PABPC1: variants seen among roughly 807,000 people sequenced by gnomAD.
The protein encoded by PABPC1 is polyadenylate-binding protein 1.
Under a neutral mutation model 74.0 loss-of-function variants are expected in PABPC1, and 4 were observed. The ratio of observed to expected loss-of-function variants is 0.05; its 90% confidence interval spans 0.03 to 0.12. PABPC1 has a LOEUF of 0.12. PABPC1 is among the 10% of genes least tolerant of loss of function. PABPC1 has a pLI of 1.00. For missense variants in PABPC1, 271 were observed against 821.1 expected, an observed-to-expected ratio of 0.33 and a Z score of 8.19; for synonymous variants, 227 against 264.1, an observed-to-expected ratio of 0.86 and a Z score of 1.36.
chr8:100,711,956 C>G (rs1327950595), intron 7 of PABPC1, among the ~76,000 whole-genome samples: 1 of 152,218 alleles, frequency 6.6e-6, no homozygotes, highest in African/African-American at 2.4e-5. Flanking sequence ...TTCTTAATCT[C>G]TGATTTCAAA....
intron 1 of PABPC1, among the ~76,000 whole-genome samples, chr8:100,720,862 G>A (rs1478029459): frequency 2.6e-5 from 4 of 152,182 alleles, no homozygotes; most frequent in Non-Finnish European, 5.9e-5. Flanking sequence ...CCTAAGGCCT[G>A]GTGGCTCCCC....
chr8:100,715,122 T>TACACACACACACACACACAC (rs56819980), intron 4 of PABPC1, among the ~76,000 whole-genome samples: 1 of 131,302 alleles, frequency 7.6e-6, no homozygotes, highest in Non-Finnish European at 1.7e-5. Flanking sequence ...GATCTCTAAT[T>TACACACACACACACACACAC]ACACACACAC....
chr8:100,709,059 A>G (rs1810460475), intron 9 of PABPC1, 74 bp downstream of exon 9: 1 of 1,109,312 alleles, frequency 9.0e-7, no homozygotes, highest in South Asian at 1.3e-5. Context: ...TAACATTGAC[A>G]TAGAAGAGCT....
intron 9 of PABPC1, among the ~76,000 whole-genome samples, chr8:100,708,549 A>G (rs1035084621): frequency 6.6e-6 from 1 of 152,222 alleles, no homozygotes; most frequent in Admixed American, 6.6e-5. Context: ...ACATGATTAA[A>G]TGGAACGAGA....
Position 100,704,328 on chromosome 8 carries a change from A to G in PABPC1, c.1881T>C (p.Val627=). 6.2e-7 allele frequency: 1 copy of G among 1,614,134 alleles called. No individual in the cohort carries two copies. The highest frequency in any genetic ancestry group is 8.5e-7 in the Non-Finnish European group (1 of 1,179,978). ...CAGTTGGAACACCGGTGGCACTGTT[A>G]ACTGCTTTCTGGGCAGCCTCTTTAG... is the stretch of plus-strand genomic sequence containing the variant. ...HQAKEAAQKA[V]NSATGVPTV The change falls in exon 14 of 15, where the codon GTT becomes GTC. Residue 627 remains valine (V), a synonymous_variant. Transcript: ENST00000318607.
At position 100,721,313 on chromosome 8, in the gene PABPC1, G is replaced by A. The variant is rs1335997708; in HGVS notation, c.193+78C>T. 1 of 449,588 alleles carries A rather than the reference G, an allele frequency of 2.2e-6. No individual in the cohort carries two copies. The highest frequency in any genetic ancestry group is 3.1e-6 in the Non-Finnish European group (1 of 323,786). 27.8% of individuals were successfully genotyped at this position (449,588 alleles called of 1,614,324 possible). ...TCCCGCCCCCCTCCCCGGGCCCGCC[G>A]GCCTACCCCGCCCGCCGCCGCCGCC... On this transcript the variant is annotated intron_variant, in intron 1 of 14. Coordinates refer to ENST00000318607, the MANE Select transcript of PABPC1 (RefSeq NM_002568.4). The surrounding 1 kb of genome is among the most constrained non-coding windows in gnomAD (Gnocchi z 7.4).
intron 9 of PABPC1, among the ~76,000 whole-genome samples, chr8:100,708,280 T>C (rs1436329546): frequency 1.3e-5 from 2 of 152,058 alleles, no homozygotes; most frequent in Non-Finnish European, 2.9e-5. Context: ...CAGGGCAAAA[T>C]CCCGTCTCTA....
chr8:100,713,042 C>G (rs771237607), intron 5 of PABPC1, 45 bp downstream of exon 5: 48 of 1,361,436 alleles, frequency 3.5e-5, no homozygotes, highest in Non-Finnish European at 4.4e-5. Context: ...ACAAGAGCAA[C>G]TCAACTTTGT....
rs1810641964 is a variant in PABPC1, at chr8:100,715,356, T to C, written c.643+106A>G. 6 of 978,318 alleles carry C rather than the reference T, an allele frequency of 6.1e-6. No homozygotes were observed. The East Asian group carries it at 9.9e-5, about 16-fold the overall frequency. 60.6% of individuals were successfully genotyped at this position (978,318 alleles called of 1,614,324 possible). A position where few individuals can be genotyped will look rare whatever the true frequency, so the allele number is the denominator to read the frequency against. ...TAACCACAAATATTTTAAAGTACCA[T>C]GTAAGTCTAATTTTATTGACTTTTT... On this transcript the variant is annotated intron_variant, in intron 4 of 14. Coordinates refer to ENST00000318607, the MANE Select transcript of PABPC1 (RefSeq NM_002568.4).
In PABPC1 at chr8:100,718,378, G is replaced by C. The variant is rs934715085; in HGVS notation, c.194-98C>G. The C allele has an allele frequency of 4.3e-6, 4 of 936,142 alleles. No individual in the cohort carries two copies. In the African/African-American group the frequency reaches 6.6e-5, roughly 16 times the overall value. The allele number at this position is 936,142 out of a possible 1,614,324, so 58.0% of individuals were successfully genotyped here. On this transcript the variant is annotated intron_variant, in intron 1 of 14. Transcript: ENST00000318607. ...TGGTGACTGGAGTGGGAGGACACATGGTCTCACAGTTGAACGCTTCCTCTT... is the reference window on the plus strand; with the variant it reads ...TGGTGACTGGAGTGGGAGGACACATCGTCTCACAGTTGAACGCTTCCTCTT...
intron 14 of PABPC1, among the ~76,000 whole-genome samples, chr8:100,703,921 G>C (rs1810311259): frequency 6.6e-6 from 1 of 152,054 alleles, no homozygotes; most frequent in Non-Finnish European, 1.5e-5. Context: ...ACGGTGGCAG[G>C]CATGGGCCTG....
chr8:100,709,036 G>C (rs1008688777), intron 9 of PABPC1, 97 bp downstream of exon 9: 3 of 920,812 alleles, frequency 3.3e-6, no homozygotes, highest in Non-Finnish European at 5.3e-6. Flanking sequence ...TATGTGAAAT[G>C]CAATAGTTAA....
rs762911953 is a variant in PABPC1 at position 100,704,299 on chromosome 8, T to C, written c.1910A>G (p.Ter637=). 4.3e-6 allele frequency: 7 copies of C among 1,611,818 alleles called. No individual in the cohort carries two copies. The East Asian group carries it at 1.1e-4, about 26-fold the overall frequency. Residue 637 remains the stop codon, a splice_region_variant and stop_retained_variant, in exon 14 of 15, where the codon TAA becomes TGA. Transcript: ENST00000318607. ...ACAAACCAGAGGGAAAAGCTCACTT[T>C]AAACAGTTGGAACACCGGTGGCACT... is the stretch of plus-strand genomic sequence containing the variant. ...VNSATGVPTV[*] is the part of the protein sequence containing the mutation.
intron 8 of PABPC1, 101 bp from the exon 9 acceptor site, chr8:100,709,324 C>A (rs952410080): frequency 2.7e-6 from 4 of 1,461,848 alleles, no homozygotes; most frequent in Non-Finnish European, 3.8e-6. Flanking sequence ...GGACTTCACA[C>A]TCAAGCATTT....
At chr8:100,708,995 G>T in intron 9 of PABPC1, 138 bp downstream of exon 9, 1 of 730,118 alleles carries the variant, frequency 1.4e-6, no homozygotes, top group Non-Finnish European at 2.3e-6. Context: ...GCTTTTAAAT[G>T]CTATAAAAAT....
chr8:100,705,786 G>C (rs371123443), intron 11 of PABPC1, 113 bp from the exon 12 acceptor site: 3 of 716,438 alleles, frequency 4.2e-6, no homozygotes, highest in East Asian at 5.4e-5. Context: ...ACATGAGGTG[G>C]AGAAGTTGAG....
At chr8:100,709,014 A>G (rs186887436) in intron 9 of PABPC1, 119 bp downstream of exon 9, 405 of 818,006 alleles carry the variant, frequency 5.0e-4, no homozygotes, top group Non-Finnish European at 7.2e-5. Flanking sequence ...ATGAACATCC[A>G]TAACCACAAA....
intron 4 of PABPC1, among the ~76,000 whole-genome samples, chr8:100,714,835 C>T (rs1442755688): frequency 6.6e-6 from 1 of 152,146 alleles, no homozygotes; most frequent in East Asian, 1.9e-4. Context: ...AAATCATCTG[C>T]ACATGAACAC....
At chr8:100,720,512 G>T (rs1000629943) in intron 1 of PABPC1, among the ~76,000 whole-genome samples, 3 of 152,132 alleles carry the variant, frequency 2.0e-5, no homozygotes, top group African/African-American at 7.2e-5. Flanking sequence ...AGCCAAAGTT[G>T]ACTATTTTAT....
Sources: allele counts gnomAD v4.1 joint callset (sites outside exome capture counted in the v4.1 genomes callset), GRCh38; gene constraint gnomAD v4.1.1; non-coding constraint Gnocchi (gnomAD v3.1); transcripts MANE v1.5; gene names NCBI Gene and HGNC (gene_info 2026-07-23, HGNC 2026-07-21).